SLC25A33: variants seen among roughly 807,000 people sequenced by gnomAD.
The protein encoded by SLC25A33 is bone marrow stromal cell mitochondrial carrier protein.
Under a neutral mutation model 35.5 loss-of-function variants are expected in SLC25A33, and 15 were observed. The ratio of observed to expected loss-of-function variants is 0.42; its 90% CI spans 0.28 to 0.65. SLC25A33 has a LOEUF of 0.65. Ranked by LOEUF, SLC25A33 falls within the 30% of genes least tolerant of loss-of-function variation. The pLI, the probability that SLC25A33 is intolerant of heterozygous loss-of-function variation, is 0.20. For missense variants in SLC25A33, 257 were observed against 398.5 expected (o/e 0.64, Z 3.02); for synonymous variants, 136 against 148.7 (o/e 0.91, Z 0.62).
intron 4 of SLC25A33, among the ~76,000 whole-genome samples, chr1:9,570,901 C>T (rs1044655041): frequency 6.6e-6 from 1 of 151,812 alleles, no homozygotes; most frequent in African/African-American, 2.4e-5. Context: ...TTAGTAGAGA[C>T]GAGGTTTCAC....
At chr1:9,557,001 T>C (rs10864430) in intron 2 of SLC25A33, among the ~76,000 whole-genome samples, 103,179 of 152,068 alleles carry the variant, frequency 0.68, 37,235 homozygotes, top group East Asian at 0.94. Context: ...TGCAATGGCG[T>C]GATCTCGGCA....
rs72646725 is a variant in SLC25A33, at chr1:9,574,823, T to C, written c.482+1411T>C. ...CACTATGCTTAGCCCTAAACTCCAA[T>C]AGTTAACAACTTCAACTATTGGATT... On this transcript the variant is annotated intron_variant, in intron 5 of 6. Transcript: ENST00000302692. 2.4e-4 allele frequency among the ~76,000 whole-genome samples: 36 copies of C among 152,276 alleles called. 1 individual carries two copies. The highest frequency in any genetic ancestry group is 6.2e-4 in the South Asian group (3 of 4,832).
At chr1:9,551,723 T>G (rs1196881225) in intron 1 of SLC25A33, among the ~76,000 whole-genome samples, 2 of 152,198 alleles carry the variant, frequency 1.3e-5, no homozygotes, top group Non-Finnish European at 2.9e-5. Flanking sequence ...TTAGAAACCT[T>G]GGAAGACATT....
chr1:9,545,911 C>T (rs936815307), intron 1 of SLC25A33, among the ~76,000 whole-genome samples: 3 of 151,142 alleles, frequency 2.0e-5, no homozygotes, highest in African/African-American at 4.8e-5. Context: ...TGCAGTGAGC[C>T]GAGATCGCGC....
chr1:9,555,484 T>C (rs947338049), intron 2 of SLC25A33, among the ~76,000 whole-genome samples: 5 of 152,120 alleles, frequency 3.3e-5, no homozygotes, highest in Admixed American at 2.6e-4. Context: ...AGTTTATTTT[T>C]AGGTATGTTT....
At chr1:9,554,406 C>T (rs1458507257) in intron 2 of SLC25A33, among the ~76,000 whole-genome samples, 1 of 152,266 alleles carries the variant, frequency 6.6e-6, no homozygotes, top group South Asian at 2.1e-4. Flanking sequence ...GTTGCCCAAA[C>T]TGGAGTGCAA....
At chr1:9,540,986 CT>C (rs113357790) in intron 1 of SLC25A33, among the ~76,000 whole-genome samples, 151 of 145,892 alleles carry the variant, frequency 1.0e-3, no homozygotes, top group Non-Finnish European at 1.2e-3. Flanking sequence ...TTGAGACTTC[CT>C]TTTTTTTTTT....
intron 6 of SLC25A33, among the ~76,000 whole-genome samples, chr1:9,580,530 T>A (rs1311751971): frequency 2.0e-5 from 3 of 152,168 alleles, no homozygotes; most frequent in Admixed American, 1.3e-4. Flanking sequence ...TATTTAATAT[T>A]CCTTGAATCA....
At position 9,578,981 on chromosome 1, in the gene SLC25A33, T is replaced by G. The variant is rs959370418; in HGVS notation, c.483-973T>G. ...ATTAGGTCAAATGCTAATGTTTTTA[T>G]GAACATGTTTCTATGACTCTTGATA... On this transcript the variant is annotated intron_variant, in intron 5 of 6. Transcript: ENST00000302692. This position sits in a 1 kb window ranked among gnomAD's most constrained non-coding sequence, Gnocchi z 4.3. Among the ~76,000 whole-genome samples, 13 of 152,262 alleles carry G rather than the reference T, an allele frequency of 8.5e-5. No individual in the cohort carries two copies. The highest frequency in any genetic ancestry group is 2.9e-4 in the African/African-American group (12 of 41,472).
intron 5 of SLC25A33, among the ~76,000 whole-genome samples, chr1:9,575,223 AAAAAAAAAAAAAT>A (rs1166034943): frequency 6.6e-6 from 1 of 150,898 alleles, no homozygotes; most frequent in African/African-American, 2.4e-5. Flanking sequence ...AAAAAAAAAA[AAAAAAAAAAAAAT>A]AAGAACCCCT....
chr1:9,549,504 CG>C (rs1462897587), intron 1 of SLC25A33, among the ~76,000 whole-genome samples: 6 of 42,770 alleles, frequency 1.4e-4, no homozygotes, highest in East Asian at 5.3e-4. Flanking sequence ...GTGGGATCAA[CG>C]GGGGGGATGA....
intron 1 of SLC25A33, among the ~76,000 whole-genome samples, chr1:9,550,497 A>G (rs939160540): frequency 1.3e-5 from 2 of 152,148 alleles, no homozygotes; most frequent in African/African-American, 4.8e-5. Context: ...TACGTTATCG[A>G]ACACAAATAG....
chr1:9,563,946 A>G (rs1260828234), intron 2 of SLC25A33, among the ~76,000 whole-genome samples: 2 of 152,186 alleles, frequency 1.3e-5, no homozygotes, highest in South Asian at 2.1e-4. Context: ...GATGTGAGCC[A>G]CTGCTCCCAG....
Position 9,582,681 on chromosome 1 carries a change from A to G in SLC25A33, c.*180A>G, listed in dbSNP as rs1402618616. ...CTTTCTGGAAGGTTTAAATTCATTA[A>G]CGTTAATAGTTAATTATAACTTTTT... On this transcript the variant is annotated 3_prime_UTR_variant, in exon 7 of 7. Transcript: ENST00000302692. This position sits in a 1 kb window ranked among gnomAD's most constrained non-coding sequence, Gnocchi z 4.0. The G allele has an allele frequency of 1.6e-6, 1 of 622,604 alleles. No individual in the cohort carries two copies. Among genetic ancestry groups the G allele is most frequent in the African/African-American group, 1.8e-5 (1 of 54,358 alleles). The allele number at this position is 622,604 out of a possible 1,614,324, so 38.6% of individuals were successfully genotyped here.
At position 9,567,285 on chromosome 1, in the gene SLC25A33, T is replaced by G; in HGVS notation, c.238T>G (p.Ser80Ala). The G allele has an allele frequency of 1.2e-6, 2 of 1,613,788 alleles. No individual in the cohort carries two copies. The highest frequency in any genetic ancestry group is 2.2e-5 in the South Asian group (2 of 90,956). Reference sequence around the variant, plus strand: ...GGTTTGTCTTTTCTTATTATTCAGGTCGATCTTGGAGAAAGAGGGACCAAA... The same window carrying G: ...GGTTTGTCTTTTCTTATTATTCAGGGCGATCTTGGAGAAAGAGGGACCAAA... ...VTPGLFQVLKSILEKEGPKSL... is the reference protein window; with the variant it reads ...VTPGLFQVLKAILEKEGPKSL... Residue 80 changes from serine (S) to alanine (A), a missense_variant and splice_region_variant, in exon 3 of 7, where the codon TCG becomes GCG. Transcript: ENST00000302692.
intron 2 of SLC25A33, chr1:9,556,164 GC>G (rs1244419564): frequency 1.0e-6 from 1 of 984,950 alleles, no homozygotes; most frequent in Non-Finnish European, 1.2e-6. Context: ...CTCCTGCTTT[GC>G]CTTTTCACAT....
intron 1 of SLC25A33, among the ~76,000 whole-genome samples, chr1:9,541,860 C>A (rs1308813389): frequency 1.3e-5 from 2 of 151,554 alleles, no homozygotes; most frequent in Admixed American, 1.3e-4. Flanking sequence ...AGTGCAGTGG[C>A]GCCATCTCGG....
At chr1:9,547,200 TC>T (rs1055054151) in intron 1 of SLC25A33, among the ~76,000 whole-genome samples, 34 of 152,232 alleles carry the variant, frequency 2.2e-4, no homozygotes, top group African/African-American at 7.7e-4. Context: ...ATGCCTGTAA[TC>T]CCAGCACTTT....
At chr1:9,567,160 G>A (rs1048879109) in intron 2 of SLC25A33, 124 bp from the exon 3 acceptor site, 1 of 780,112 alleles carries the variant, frequency 1.3e-6, no homozygotes, top group Non-Finnish European at 2.1e-6. Flanking sequence ...TCAGATAAGA[G>A]TCGAGCTTGA....
Sources: allele counts gnomAD v4.1 joint callset (sites outside exome capture counted in the v4.1 genomes callset), GRCh38; gene constraint gnomAD v4.1.1; non-coding constraint Gnocchi (gnomAD v3.1); transcripts MANE v1.5; gene names NCBI Gene and HGNC (gene_info 2026-07-23, HGNC 2026-07-21).